Variants in EFHD1 observed in about 807,000 individuals in gnomAD.
EFHD1 encodes the protein EF-hand domain-containing protein D1.
A neutral mutation model predicts 17.2 loss-of-function variants in EFHD1; 10 were observed. The observed-to-expected ratio is 0.58, with a 90% confidence interval of 0.36 to 0.99. The LOEUF (loss-of-function observed/expected upper bound fraction) is 0.99. Ranked by LOEUF, EFHD1 falls within the 50% of genes least tolerant of loss-of-function variation. EFHD1 has a pLI of 0.01. For synonymous variants in EFHD1, 153 were observed against 142.0 expected (o/e 1.08, Z -0.55); for missense variants, 310 against 327.5 (o/e 0.95, Z 0.41).
At chr2:232,649,672 T>C (rs573252926) in intron 1 of EFHD1, among the ~76,000 whole-genome samples, 1 of 152,270 alleles carries the variant, frequency 6.6e-6, no homozygotes, top group South Asian at 2.1e-4. Flanking sequence ...AAGGGGATGA[T>C]TTCCTTTGGG....
intron 3 of EFHD1, among the ~76,000 whole-genome samples, chr2:232,677,200 CCA>C (rs1695188632): frequency 8.7e-6 from 1 of 114,522 alleles, no homozygotes; most frequent in African/African-American, 3.9e-5. Flanking sequence ...TGGCAAGACC[CCA>C]TCTCTACACA....
At chr2:232,671,581 G>T (rs942626140) in intron 2 of EFHD1, among the ~76,000 whole-genome samples, 1 of 151,330 alleles carries the variant, frequency 6.6e-6, no homozygotes, top group African/African-American at 2.4e-5. Context: ...AAAAAAATTA[G>T]CGAGGCATGA....
At position 232,671,675 on chromosome 2, in the gene EFHD1, C is replaced by T. The variant is rs558448695; in HGVS notation, c.451-634C>T. Among the ~76,000 whole-genome samples the T allele has an allele frequency of 9.9e-5, 15 of 151,412 alleles. No homozygotes were observed. In the South Asian group the frequency reaches 1.0e-3, roughly 11 times the overall value. On this transcript the variant is annotated intron_variant, in intron 2 of 3. Transcript: ENST00000264059. The stretch of plus-strand genomic sequence containing the variant: ...CTGGGAGGCAGAGGTTGCAGTGAGC[C>T]GAGATCGCACCACTGCACTCCAGCC...
At chr2:232,647,286 G>A (rs1030210173) in intron 1 of EFHD1, among the ~76,000 whole-genome samples, 1 of 152,224 alleles carries the variant, frequency 6.6e-6, no homozygotes, top group African/African-American at 2.4e-5. Flanking sequence ...AGGAAATGTC[G>A]AGAGCTGCAT....
At chr2:232,670,365 C>T (rs954070088) in intron 2 of EFHD1, among the ~76,000 whole-genome samples, 3 of 151,734 alleles carry the variant, frequency 2.0e-5, no homozygotes, top group Admixed American at 6.6e-5. Flanking sequence ...CACTTGAACC[C>T]GGGAGGCAGA....
At chr2:232,660,394 C>G (rs1489044471) in intron 1 of EFHD1, among the ~76,000 whole-genome samples, 1 of 151,802 alleles carries the variant, frequency 6.6e-6, no homozygotes, top group African/African-American at 2.4e-5. Flanking sequence ...TGGGATTTCA[C>G]CGTGTTAGCC....
chr2:232,638,330 AG>A, intron 1 of EFHD1: 1 of 471,082 alleles, frequency 2.1e-6, no homozygotes, highest in Non-Finnish European at 4.4e-6. Flanking sequence ...GCATACTAAA[AG>A]CTTGTGTTTT....
At chr2:232,606,462 T>G (rs185294827) in intron 1 of EFHD1, 87 of 550,908 alleles carry the variant, frequency 1.6e-4, no homozygotes, top group African/African-American at 1.4e-3. Context: ...CGTCCTCCCC[T>G]GGAATGTCAG....
chr2:232,614,301 T>C (rs980265548), intron 1 of EFHD1, among the ~76,000 whole-genome samples: 1 of 152,132 alleles, frequency 6.6e-6, no homozygotes, highest in South Asian at 2.1e-4. Context: ...ACCCTGAGTG[T>C]GCCTGCCTCT....
At chr2:232,611,453 A>G (rs556426855) in intron 1 of EFHD1, 12 of 152,264 alleles carry the variant, frequency 7.9e-5, no homozygotes, top group African/African-American at 2.9e-4. Context: ...GAGACGTTCT[A>G]TCATTGGAGG....
intron 1 of EFHD1, among the ~76,000 whole-genome samples, chr2:232,655,792 T>C (rs1375423708): frequency 1.4e-5 from 2 of 147,710 alleles, no homozygotes; most frequent in Admixed American, 1.4e-4. Context: ...GTCCTGTCCT[T>C]GTGTGGGGTC....
upstream of EFHD1, among the ~76,000 whole-genome samples, chr2:232,628,655 T>C (rs1694148102): frequency 6.6e-6 from 1 of 152,130 alleles, no homozygotes; most frequent in South Asian, 2.1e-4. Context: ...GCCACAGAAA[T>C]GGACTCAATT....
intron 2 of EFHD1, among the ~76,000 whole-genome samples, chr2:232,666,776 G>A (rs971407191): frequency 6.6e-6 from 1 of 152,156 alleles, no homozygotes; most frequent in South Asian, 2.1e-4. Context: ...GCAGGCCTTG[G>A]GAGTATAAGG....
intron 1 of EFHD1, among the ~76,000 whole-genome samples, chr2:232,649,175 C>T (rs1038693251): frequency 6.6e-6 from 1 of 152,216 alleles, no homozygotes; most frequent in African/African-American, 2.4e-5. Flanking sequence ...CGCCGGAGAC[C>T]AGCCATTGTC....
Position 232,644,791 on chromosome 2 carries a change from C to T in EFHD1, c.302+10785C>T, listed in dbSNP as rs543865646. 2.1e-3 allele frequency among the ~76,000 whole-genome samples: 302 copies of T among 144,094 alleles called. 6 individuals carry two copies. The highest frequency in any genetic ancestry group is 4.2e-4 in the Non-Finnish European group (28 of 66,296). 94.5% of individuals were successfully genotyped at this position (144,094 alleles called of 152,430 possible). A position where few individuals can be genotyped will look rare whatever the true frequency, so the allele number is the denominator to read the frequency against. ...ACAGGCGAGAGCCACTGCACCTGGC[C>T]TAATTTTTTTTTTTTTTTTTTTTAA... On this transcript the variant is annotated intron_variant, in intron 1 of 3. Coordinates refer to ENST00000264059, the MANE Select transcript of EFHD1 (RefSeq NM_025202.4).
chr2:232,614,023 TACACACACAA>T (rs1693870309), intron 1 of EFHD1, among the ~76,000 whole-genome samples: 2 of 85,184 alleles, frequency 2.3e-5, no homozygotes, highest in African/African-American at 7.7e-5. Context: ...TACACACAAA[TACACACACAA>T]ACATACACAA....
At chr2:232,672,043 G>A (rs1433119246) in intron 2 of EFHD1, among the ~76,000 whole-genome samples, 1 of 150,082 alleles carries the variant, frequency 6.7e-6, no homozygotes, top group African/African-American at 2.5e-5. Flanking sequence ...GCAACAGAGC[G>A]AGACTCTGCC....
At position 232,639,903 on chromosome 2, in the gene EFHD1, C is replaced by T. The variant is rs73995834; in HGVS notation, c.302+5897C>T. Reference sequence around the variant, plus strand: ...ACATGCCTACCTGCGTGCTCACACACTAGCTCACTCCCACAGCCACTTTTC... The same window carrying T: ...ACATGCCTACCTGCGTGCTCACACATTAGCTCACTCCCACAGCCACTTTTC... On this transcript the variant is annotated intron_variant, in intron 1 of 3. Transcript: ENST00000264059. Among the ~76,000 whole-genome samples, 1,286 of 152,296 alleles carry T rather than the reference C, an allele frequency of 8.4e-3. 21 individuals carry two copies. Among genetic ancestry groups the T allele is most frequent in the African/African-American group, 0.029 (1,198 of 41,556 alleles).
chr2:232,614,981 A>G (rs1693895174), intron 1 of EFHD1, among the ~76,000 whole-genome samples: 1 of 152,272 alleles, frequency 6.6e-6, no homozygotes, highest in African/African-American at 2.4e-5. Context: ...GTCTCAAAAA[A>G]GAAAAATGAT....
Sources: allele counts gnomAD v4.1 joint callset (sites outside exome capture counted in the v4.1 genomes callset), GRCh38; gene constraint gnomAD v4.1.1; transcripts MANE v1.5; gene names NCBI Gene and HGNC (gene_info 2026-07-23, HGNC 2026-07-21).